Variants in ZNF385B observed in about 807,000 individuals in gnomAD.
ZNF385B encodes zinc finger protein 385B.
Under a neutral mutation model 39.2 loss-of-function variants are expected in ZNF385B, and 23 were observed. The observed-to-expected ratio is 0.59, with a 90% CI of 0.42 to 0.83. ZNF385B has a LOEUF of 0.83. Ranked by LOEUF, ZNF385B falls within the 40% of genes least tolerant of loss-of-function variation. The probability of loss-of-function intolerance (pLI) is 0.00; values close to 1 mark genes in which losing one functional copy is unlikely to be tolerated. For missense variants in ZNF385B, 552 were observed against 598.9 expected (o/e 0.92, Z 0.82); for synonymous variants, 205 against 222.6 (o/e 0.92, Z 0.70).
chr2:179,459,853 C>A (rs1161425105), intron 6 of ZNF385B, among the ~76,000 whole-genome samples: 2 of 151,508 alleles, frequency 1.3e-5, no homozygotes, highest in African/African-American at 2.4e-5. Flanking sequence ...CCTGTAATCC[C>A]AGCACTTTGG....
At chr2:179,727,578 T>C (rs977561364) in intron 3 of ZNF385B, among the ~76,000 whole-genome samples, 2 of 152,104 alleles carry the variant, frequency 1.3e-5, no homozygotes, top group African/African-American at 2.4e-5. Flanking sequence ...AAGTAGACCA[T>C]AGCAGTGTAG....
intron 1 of ZNF385B, among the ~76,000 whole-genome samples, chr2:179,803,634 T>C (rs925990064): frequency 1.3e-5 from 2 of 152,154 alleles, no homozygotes; most frequent in East Asian, 1.9e-4. Context: ...ATGACCAACA[T>C]ACATGTTACA....
chr2:179,860,744 C>T (rs1684983123), intron 1 of ZNF385B: 2 of 436,214 alleles, frequency 4.6e-6, no homozygotes, highest in Non-Finnish European at 9.4e-6. Flanking sequence ...CGAGGCGCTG[C>T]GGCTAAACAT....
At chr2:179,555,887 C>T (rs1383456627) in intron 3 of ZNF385B, among the ~76,000 whole-genome samples, 1 of 148,842 alleles carries the variant, frequency 6.7e-6, no homozygotes, top group Admixed American at 6.7e-5. Flanking sequence ...CGACAGCAGC[C>T]ACCATGGCAG....
Position 179,493,484 on chromosome 2 carries a change from T to C in ZNF385B, c.553-10050A>G, listed in dbSNP as rs528188853. On this transcript the variant is annotated intron_variant, in intron 5 of 9. Coordinates refer to ENST00000410066, the MANE Select transcript of ZNF385B (RefSeq NM_152520.6). The stretch of plus-strand genomic sequence containing the variant: ...GTACATATATGCATGTGTACACATA[T>C]GTATAAACGTGTGTGTACATATATG... Among the ~76,000 whole-genome samples, 9 of 51,858 alleles carry C rather than the reference T, an allele frequency of 1.7e-4. No homozygotes were observed. The East Asian group carries it at 2.7e-3, about 15-fold the overall frequency. 34.0% of individuals were successfully genotyped at this position (51,858 alleles called of 152,430 possible). A position where few individuals can be genotyped will look rare whatever the true frequency, so the allele number is the denominator to read the frequency against.
intron 3 of ZNF385B, among the ~76,000 whole-genome samples, chr2:179,708,196 C>T (rs1375467699): frequency 6.6e-6 from 1 of 152,188 alleles, no homozygotes; most frequent in Non-Finnish European, 1.5e-5. Context: ...AGGGAGGGAC[C>T]TGGTAGGAGG....
chr2:179,568,565 A>G (rs1684858615), intron 3 of ZNF385B, among the ~76,000 whole-genome samples: 1 of 152,212 alleles, frequency 6.6e-6, no homozygotes, highest in African/African-American at 2.4e-5. Context: ...TTTTTCCCTC[A>G]GTATTCACTG....
rs1262193558 is a variant in ZNF385B at position 179,807,874 on chromosome 2, G to T, written c.-154-37202C>A. ...CACGCCACTGCACTCCAACCTGGGC[G>T]ACAGAGCGAGACTCCGTCTGAAAGA... is the stretch of plus-strand genomic sequence containing the variant. On this transcript the variant is annotated intron_variant, in intron 1 of 9. Transcript: ENST00000410066. Among the ~76,000 whole-genome samples, 3 of 140,260 alleles carry T rather than the reference G, an allele frequency of 2.1e-5. No homozygotes were observed. The East Asian group carries it at 6.5e-4, about 31-fold the overall frequency. The allele number at this position is 140,260 out of a possible 152,430, so 92.0% of individuals were successfully genotyped here. A position where few individuals can be genotyped will look rare whatever the true frequency, so the allele number is the denominator to read the frequency against.
chr2:179,676,078 GC>G (rs1357369174), intron 3 of ZNF385B, among the ~76,000 whole-genome samples: 1 of 147,390 alleles, frequency 6.8e-6, no homozygotes, highest in Non-Finnish European at 1.5e-5. Flanking sequence ...ATGAGCCACT[GC>G]GCCTGGCCAA....
At chr2:179,484,932 A>G (rs181431786) in intron 5 of ZNF385B, among the ~76,000 whole-genome samples, 6 of 152,282 alleles carry the variant, frequency 3.9e-5, no homozygotes, top group African/African-American at 1.2e-4. Context: ...CGGAACAGTG[A>G]GGGCTATAGC....
At chr2:179,618,258 C>A (rs1185539556) in intron 3 of ZNF385B, among the ~76,000 whole-genome samples, 2 of 152,160 alleles carry the variant, frequency 1.3e-5, no homozygotes, top group Admixed American at 6.6e-5. Flanking sequence ...AAACTGAGCT[C>A]TACTATTGCC....
rs16866928 is a variant in ZNF385B at position 179,689,039 on chromosome 2, G to A, written c.298+80464C>T. On this transcript the variant is annotated intron_variant, in intron 3 of 9. Coordinates refer to ENST00000410066, the MANE Select transcript of ZNF385B (RefSeq NM_152520.6). ...GAAGTGTATGACATTGCCTCTAACC[G>A]CAGTGAGATCTATATTTAGAGGATG... 2.6e-3 allele frequency among the ~76,000 whole-genome samples: 395 copies of A among 152,242 alleles called. 4 individuals carry two copies. The East Asian group carries it at 0.042, about 16-fold the overall frequency.
intron 3 of ZNF385B, among the ~76,000 whole-genome samples, chr2:179,626,929 A>G (rs1259683253): frequency 2.0e-5 from 3 of 152,174 alleles, no homozygotes; most frequent in African/African-American, 7.2e-5. Context: ...CATGCCAGAA[A>G]CATCTCCTCT....
intron 3 of ZNF385B, among the ~76,000 whole-genome samples, chr2:179,644,772 T>A (rs1692568670): frequency 6.6e-6 from 1 of 152,176 alleles, no homozygotes; most frequent in South Asian, 2.1e-4. Context: ...ACAGACTCCA[T>A]CACTTGCTGT....
intron 1 of ZNF385B, among the ~76,000 whole-genome samples, chr2:179,823,994 C>G (rs974075600): frequency 8.5e-5 from 13 of 152,112 alleles, no homozygotes; most frequent in Non-Finnish European, 1.8e-4. Flanking sequence ...TTGGCTTGAT[C>G]CAGCTGAACA....
chr2:179,465,414 T>C (rs1189696114), intron 6 of ZNF385B, among the ~76,000 whole-genome samples: 1 of 152,182 alleles, frequency 6.6e-6, no homozygotes, highest in East Asian at 1.9e-4. Context: ...ACCAATACTC[T>C]ATAGGATGTC....
chr2:179,607,974 G>A (rs1688964080), intron 3 of ZNF385B, among the ~76,000 whole-genome samples: 1 of 145,462 alleles, frequency 6.9e-6, no homozygotes, highest in Non-Finnish European at 1.5e-5. Context: ...GAGTGCAATG[G>A]CGCAATCCTG....
intron 1 of ZNF385B, among the ~76,000 whole-genome samples, chr2:179,799,019 T>C (rs2106551750): frequency 6.6e-6 from 1 of 152,160 alleles, no homozygotes; most frequent in Admixed American, 6.6e-5. Flanking sequence ...ATATTTGATT[T>C]TAACCTAATC....
rs1354191617 is a variant in ZNF385B, at chr2:179,459,719, T to C, written c.716-12949A>G. On this transcript the variant is annotated intron_variant, in intron 6 of 9. Transcript: ENST00000410066. ...AAATAAAAAATGTGCATTATAATAATAAATGCATAAACTTTTATTATATGT... is the reference window on the plus strand; with the variant it reads ...AAATAAAAAATGTGCATTATAATAACAAATGCATAAACTTTTATTATATGT... Among the ~76,000 whole-genome samples the C allele has an allele frequency of 2.0e-5, 3 of 151,058 alleles. 1 individual carries two copies. The East Asian group carries it at 5.8e-4, about 29-fold the overall frequency.
Sources: gnomAD v4.1 joint callset for allele counts (sites outside exome capture counted in the v4.1 genomes callset) on GRCh38, gnomAD v4.1.1 for gene constraint, MANE v1.5 for transcripts, NCBI Gene and HGNC (gene_info 2026-07-23, HGNC 2026-07-21) for gene names.